The following LTBP1 variants were observed in gnomAD, a reference collection of about 807,000 sequenced individuals.
LTBP1 encodes latent-transforming growth factor beta-binding protein 1.
In LTBP1, 129 loss-of-function variants were observed where a neutral mutation model predicts 207.6. That is an observed-to-expected ratio of 0.62 (90% CI 0.54 to 0.72). LTBP1 has a LOEUF of 0.72. Among genes scored for constraint, LTBP1 ranks in the 30% least tolerant of loss-of-function variants. LTBP1 has a pLI of 0.00. For missense variants in LTBP1, 2,281 were observed against 2,217.2 expected (o/e 1.03, Z -0.58); for synonymous variants, 963 against 833.7 (o/e 1.16, Z -2.67).
intron 19 of LTBP1, among the ~76,000 whole-genome samples, chr2:33,281,328 G>T (rs190114133): frequency 7.8e-4 from 118 of 152,234 alleles, no homozygotes; most frequent in African/African-American, 2.6e-3. Context: ...TTGAGTTGAG[G>T]TTCAACTGGT....
intron 2 of LTBP1, among the ~76,000 whole-genome samples, chr2:32,984,074 C>T (rs72791716): frequency 0.14 from 21,321 of 152,128 alleles, 1,976 homozygotes; most frequent in Non-Finnish European, 0.21. Flanking sequence ...GTAATGTTTT[C>T]AACTTTTTGG....
intron 19 of LTBP1, chr2:33,291,835 A>T (rs1026925114): frequency 6.6e-6 from 1 of 152,038 alleles, no homozygotes; most frequent in African/African-American, 2.4e-5. Flanking sequence ...TGCAATCTAG[A>T]CTCTGGGTTT....
intron 7 of LTBP1, among the ~76,000 whole-genome samples, chr2:33,208,673 AG>A (rs151141764): frequency 0.03 from 4,609 of 152,274 alleles, 97 homozygotes; most frequent in Middle Eastern, 0.14. Flanking sequence ...GGCTGCCCTC[AG>A]CCCTGCCCTG....
rs369366542 is a variant in LTBP1 at position 33,003,002 on chromosome 2, G to A, written c.566-17907G>A. Reference sequence around the variant, plus strand: ...CTAGGCTGACCACTTTGGAAACATCGCATTCGATTTGGTCCTTCCCTTACA... The same window carrying A: ...CTAGGCTGACCACTTTGGAAACATCACATTCGATTTGGTCCTTCCCTTACA... On this transcript the variant is annotated intron_variant, in intron 2 of 33. Coordinates refer to ENST00000404816, the MANE Select transcript of LTBP1 (RefSeq NM_206943.4). Among the ~76,000 whole-genome samples, 29 of 152,250 alleles carry A rather than the reference G, an allele frequency of 1.9e-4. 1 individual carries two copies. The highest frequency in any genetic ancestry group is 4.6e-4 in the Admixed American group (7 of 15,296).
rs1269662068 is a variant in LTBP1, at chr2:33,393,859, A to G, written c.4835-3274A>G. ...ATTTCTAGTTCTAGATCCTTGAGGAATCGCCACACTGTCTTCCACAATGGT... is the reference window on the plus strand; with the variant it reads ...ATTTCTAGTTCTAGATCCTTGAGGAGTCGCCACACTGTCTTCCACAATGGT... On this transcript the variant is annotated intron_variant, in intron 32 of 33. Coordinates refer to ENST00000404816, the MANE Select transcript of LTBP1 (RefSeq NM_206943.4). Among the ~76,000 whole-genome samples the G allele has an allele frequency of 2.6e-5, 4 of 152,314 alleles. No individual in the cohort carries two copies. In the East Asian group the frequency reaches 5.8e-4, roughly 22 times the overall value.
At chr2:33,046,920 C>G (rs1169378462) in intron 3 of LTBP1, among the ~76,000 whole-genome samples, 1 of 152,166 alleles carries the variant, frequency 6.6e-6, no homozygotes, top group East Asian at 1.9e-4. Flanking sequence ...ATAGTATTCT[C>G]TGATGGTAGT....
At chr2:33,170,762 A>C (rs1347251128) in intron 5 of LTBP1, among the ~76,000 whole-genome samples, 1 of 150,406 alleles carries the variant, frequency 6.6e-6, no homozygotes, top group African/African-American at 2.4e-5. Flanking sequence ...GGCACCCCCC[A>C]GTAGGGGCAG....
intron 5 of LTBP1, among the ~76,000 whole-genome samples, chr2:33,161,426 C>A (rs1365037872): frequency 6.6e-6 from 1 of 152,046 alleles, no homozygotes; most frequent in Non-Finnish European, 1.5e-5. Context: ...GCCACCACAC[C>A]CAGCTAATTT....
intron 3 of LTBP1, among the ~76,000 whole-genome samples, chr2:33,086,655 G>A (rs1184160803): frequency 6.6e-6 from 1 of 152,182 alleles, no homozygotes; most frequent in Non-Finnish European, 1.5e-5. Flanking sequence ...CCGCACGGTA[G>A]GCTTTCTATA....
In LTBP1 at chr2:33,039,461, T is replaced by C. The variant is rs187589743; in HGVS notation, c.863+18255T>C. On this transcript the variant is annotated intron_variant, in intron 3 of 33. Transcript: ENST00000404816. The stretch of plus-strand genomic sequence containing the variant: ...TCTTGAGTGTCCTTCTTACCTCTTA[T>C]ACTACATTTATCATCTTTAATTCTG... Among the ~76,000 whole-genome samples the C allele has an allele frequency of 3.3e-3, 499 of 152,360 alleles. 1 individual carries two copies. The highest frequency in any genetic ancestry group is 0.011 in the African/African-American group (478 of 41,594).
chr2:33,363,692 C>A (rs2094952034), intron 29 of LTBP1, among the ~76,000 whole-genome samples, 174 bp downstream of exon 29: 1 of 152,088 alleles, frequency 6.6e-6, no homozygotes, highest in Non-Finnish European at 1.5e-5. Context: ...AAAGAAAAAA[C>A]CACCTCCATA....
At chr2:33,329,953 A>G (rs1355365483) in intron 24 of LTBP1, among the ~76,000 whole-genome samples, 1 of 152,058 alleles carries the variant, frequency 6.6e-6, no homozygotes, top group African/African-American at 2.4e-5. Flanking sequence ...GAGTTGAATC[A>G]ATAGATCAAT....
intron 9 of LTBP1, among the ~76,000 whole-genome samples, chr2:33,240,641 C>T (rs961850596): frequency 5.7e-5 from 8 of 140,214 alleles, no homozygotes; most frequent in African/African-American, 2.2e-4. Flanking sequence ...GTGATGGAAA[C>T]ATTCTTTTTT....
In LTBP1 at chr2:33,101,669, A is replaced by AT. The variant is rs927085834; in HGVS notation, c.864-8904dup. Among the ~76,000 whole-genome samples the AT allele has an allele frequency of 1.8e-4, 27 of 151,624 alleles. No homozygotes were observed. In the South Asian group the frequency reaches 2.3e-3, roughly 13 times the overall value. Reference sequence around the variant, plus strand: ...AATTACTCAACTGTTTACATTTTGAATTTTTTTTTGGATTGTATTAGTTAG... The same window carrying AT: ...AATTACTCAACTGTTTACATTTTGAATTTTTTTTTTGGATTGTATTAGTTAG... On this transcript the variant is annotated intron_variant, in intron 3 of 33. Coordinates refer to ENST00000404816, the MANE Select transcript of LTBP1 (RefSeq NM_206943.4).
At position 33,160,412 on chromosome 2, in the gene LTBP1, G is replaced by A. The variant is rs2084361906; in HGVS notation, c.1201+25452G>A. 2.6e-5 allele frequency among the ~76,000 whole-genome samples: 4 copies of A among 152,166 alleles called. No homozygotes were observed. In the South Asian group the frequency reaches 8.3e-4, roughly 32 times the overall value. On this transcript the variant is annotated intron_variant, in intron 5 of 33. Transcript: ENST00000404816. ...TGGTTAGAGCAACGCTGCTTCCAAG[G>A]GAATGTTTTGATTGATTGTGTCAGC...
chr2:33,198,401 TGCTG>T (rs2088820041), intron 7 of LTBP1, among the ~76,000 whole-genome samples: 1 of 152,216 alleles, frequency 6.6e-6, no homozygotes, highest in Non-Finnish European at 1.5e-5. Context: ...ATCAGGATGA[TGCTG>T]GCCTCATAAA....
intron 12 of LTBP1, among the ~76,000 whole-genome samples, chr2:33,258,339 T>G (rs2092917520): frequency 1.3e-5 from 2 of 152,228 alleles, no homozygotes; most frequent in Admixed American, 6.5e-5. Flanking sequence ...CTTTTCACAG[T>G]TGATTCTGAG....
chr2:33,060,586 G>A (rs532956162), intron 3 of LTBP1, among the ~76,000 whole-genome samples: 1 of 151,278 alleles, frequency 6.6e-6, no homozygotes, highest in Non-Finnish European at 1.5e-5. Flanking sequence ...GGGTAGGTGA[G>A]ATATGGAGGG....
chr2:33,041,553 A>T (rs756628906), intron 3 of LTBP1, among the ~76,000 whole-genome samples: 7 of 152,152 alleles, frequency 4.6e-5, no homozygotes, highest in Non-Finnish European at 8.8e-5. Flanking sequence ...AAGTGCTGGG[A>T]TTATAGGCGT....
Sources: gnomAD v4.1 joint callset for allele counts (sites outside exome capture counted in the v4.1 genomes callset) on GRCh38, gnomAD v4.1.1 for gene constraint, MANE v1.5 for transcripts, NCBI Gene and HGNC (gene_info 2026-07-23, HGNC 2026-07-21) for gene names.